The following SCFD2 variants were observed in gnomAD, a reference collection of about 807,000 sequenced individuals.
The protein encoded by SCFD2 is sec1 family domain containing 2.
A neutral mutation model predicts 58.9 loss-of-function variants in SCFD2; 54 were observed. The observed-to-expected ratio is 0.92, with a 90% confidence interval of 0.74 to 1.15. The LOEUF is 1.15. SCFD2 is among the 50% of genes most tolerant of loss of function. The pLI is 0.00. For missense variants in SCFD2, 805 were observed against 836.6 expected, an observed-to-expected ratio of 0.96 and a Z score of 0.47; for synonymous variants, 321 against 335.9, an observed-to-expected ratio of 0.96 and a Z score of 0.49.
chr4:52,887,928 G>T (rs556926720), intron 7 of SCFD2, among the ~76,000 whole-genome samples: 1 of 131,132 alleles, frequency 7.6e-6, no homozygotes. Context: ...TTTTGAGACG[G>T]AGTCTCGCTC....
At chr4:52,935,564 G>A (rs1720115363) in intron 5 of SCFD2, among the ~76,000 whole-genome samples, 1 of 152,204 alleles carries the variant, frequency 6.6e-6, no homozygotes, top group South Asian at 2.1e-4. Context: ...TTCTGAACCA[G>A]CCCTCCCCTA....
At chr4:53,262,097 C>T (rs905267200) in intron 4 of SCFD2, among the ~76,000 whole-genome samples, 1 of 152,132 alleles carries the variant, frequency 6.6e-6, no homozygotes, top group African/African-American at 2.4e-5. Context: ...TGTCCATTTG[C>T]ATGGAATATC....
intron 4 of SCFD2, among the ~76,000 whole-genome samples, chr4:53,249,278 C>CA (rs542193788): frequency 0.01 from 1,594 of 152,224 alleles, 22 homozygotes; most frequent in Non-Finnish European, 0.014. Flanking sequence ...AAGAAACGAA[C>CA]AAAGCCTCCA....
At position 52,949,207 on chromosome 4, in the gene SCFD2, T is replaced by A. The variant is rs541801868; in HGVS notation, c.1562-28337A>T. 20 of 152,336 alleles carry A rather than the reference T, an allele frequency of 1.3e-4. 1 individual carries two copies. Among genetic ancestry groups the A allele is most frequent in the Admixed American group, 1.1e-3 (17 of 15,308 alleles). The allele number at this position is 152,336 out of a possible 1,614,324, so 9.4% of individuals were successfully genotyped here. A position where few individuals can be genotyped will look rare whatever the true frequency, so the allele number is the denominator to read the frequency against. On this transcript the variant is annotated intron_variant, in intron 5 of 8. Coordinates refer to ENST00000401642, the MANE Select transcript of SCFD2 (RefSeq NM_152540.4). ...TACATTTCATTCAAAGGGTAAAACA[T>A]AGACTCCCTTTGTTCTATAAACCTA...
intron 8 of SCFD2, among the ~76,000 whole-genome samples, chr4:52,882,916 A>G (rs1262786429): frequency 6.6e-6 from 1 of 152,176 alleles, no homozygotes; most frequent in Non-Finnish European, 1.5e-5. Context: ...ATCCTGGGAG[A>G]TGGTCAAGTA....
intron 2 of SCFD2, among the ~76,000 whole-genome samples, chr4:53,337,183 T>TG (rs1733711637): frequency 6.6e-6 from 1 of 152,202 alleles, no homozygotes; most frequent in South Asian, 2.1e-4. Flanking sequence ...CCCCTTTCTT[T>TG]GGCTTGCAGA....
At chr4:53,113,000 A>G (rs1038462529) in intron 5 of SCFD2, among the ~76,000 whole-genome samples, 1 of 152,088 alleles carries the variant, frequency 6.6e-6, no homozygotes, top group African/African-American at 2.4e-5. Flanking sequence ...GGCTTCTCAT[A>G]GCTCTTAGGA....
chr4:53,161,203 T>C (rs767658955), intron 4 of SCFD2, among the ~76,000 whole-genome samples: 2 of 152,202 alleles, frequency 1.3e-5, no homozygotes, highest in African/African-American at 2.4e-5. Flanking sequence ...GTTGATAATC[T>C]TCCAGGTTGA....
rs78212111 is a variant in SCFD2, at chr4:52,886,204, G to A, written c.1843-338C>T. Among the ~76,000 whole-genome samples the A allele has an allele frequency of 4.3e-3, 649 of 152,116 alleles. 36 individuals are homozygous for A. In the East Asian group the frequency reaches 0.11, roughly 27 times the overall value. ...TACACTGTCATGTCCATCTTTGAGC[G>A]GTGACTTTGTTTTAGCCTTTTTTTT... On this transcript the variant is annotated intron_variant, in intron 7 of 8. Transcript: ENST00000401642.
At chr4:53,286,471 C>A (rs1199417340) in intron 3 of SCFD2, among the ~76,000 whole-genome samples, 4 of 152,002 alleles carry the variant, frequency 2.6e-5, no homozygotes, top group Non-Finnish European at 5.9e-5. Context: ...GGACCTAGAA[C>A]CTGGTCCCAG....
In SCFD2 at chr4:52,899,513, A is replaced by G. The variant is rs544784851; in HGVS notation, c.1842+7944T>C. ...TCTGGCTTGTGGAGTTTCTGCGGAGAGATCTGCTGTTAGTCTGATGGGCTT... is the reference window on the plus strand; with the variant it reads ...TCTGGCTTGTGGAGTTTCTGCGGAGGGATCTGCTGTTAGTCTGATGGGCTT... On this transcript the variant is annotated intron_variant, in intron 7 of 8. Coordinates refer to ENST00000401642, the MANE Select transcript of SCFD2 (RefSeq NM_152540.4). Among the ~76,000 whole-genome samples, 26 of 152,244 alleles carry G rather than the reference A, an allele frequency of 1.7e-4. No homozygotes were observed. The South Asian group carries it at 5.2e-3, about 30-fold the overall frequency.
intron 5 of SCFD2, among the ~76,000 whole-genome samples, chr4:52,946,855 A>T (rs1014775527): frequency 2.0e-5 from 3 of 152,180 alleles, no homozygotes; most frequent in Non-Finnish European, 4.4e-5. Flanking sequence ...TCAGGAAAGT[A>T]GACATCAGAA....
chr4:52,990,260 A>G (rs1721588669), intron 5 of SCFD2, among the ~76,000 whole-genome samples: 1 of 152,236 alleles, frequency 6.6e-6, no homozygotes, highest in Non-Finnish European at 1.5e-5. Flanking sequence ...TTCTAATGAG[A>G]CAAAGCTGCT....
chr4:53,254,170 C>T (rs1177375190), intron 4 of SCFD2, among the ~76,000 whole-genome samples: 1 of 152,140 alleles, frequency 6.6e-6, no homozygotes, highest in Non-Finnish European at 1.5e-5. Context: ...TATGATTTGG[C>T]TCTGTGTCCT....
At chr4:53,298,759 C>T (rs1289932104) in intron 3 of SCFD2, among the ~76,000 whole-genome samples, 4 of 152,108 alleles carry the variant, frequency 2.6e-5, no homozygotes, top group Admixed American at 6.5e-5. Flanking sequence ...TCCAGAGGAA[C>T]GATCAGGCAG....
intron 4 of SCFD2, among the ~76,000 whole-genome samples, chr4:53,237,776 C>T (rs1316578850): frequency 1.2e-5 from 1 of 85,522 alleles, no homozygotes; most frequent in African/African-American, 4.9e-5. Flanking sequence ...GGGGGCTGAC[C>T]CCCCCACCTC....
intron 3 of SCFD2, among the ~76,000 whole-genome samples, chr4:53,310,223 A>C (rs1732649825): frequency 6.6e-6 from 1 of 152,228 alleles, no homozygotes; most frequent in Non-Finnish European, 1.5e-5. Context: ...AAAGAAACAG[A>C]GGCATCAAGC....
At chr4:52,908,766 G>A (rs10866413) in intron 6 of SCFD2, among the ~76,000 whole-genome samples, 82,458 of 151,994 alleles carry the variant, frequency 0.54, 23,417 homozygotes, top group East Asian at 0.73. Context: ...TAACCATTCA[G>A]CAGGAATATA....
intron 5 of SCFD2, among the ~76,000 whole-genome samples, chr4:53,016,324 G>A (rs1722213317): frequency 6.6e-6 from 1 of 152,148 alleles, no homozygotes; most frequent in Non-Finnish European, 1.5e-5. Context: ...TCTCATGTTT[G>A]TAATATTACA....
Sources: gnomAD v4.1 joint callset for allele counts (sites outside exome capture counted in the v4.1 genomes callset) on GRCh38, gnomAD v4.1.1 for gene constraint, MANE v1.5 for transcripts, NCBI Gene and HGNC (gene_info 2026-07-23, HGNC 2026-07-21) for gene names.